The following TENM3 variants were observed in gnomAD, a reference collection of about 807,000 sequenced individuals.
TENM3 encodes teneurin transmembrane protein 3, also known as teneurin-3.
TENM3 carries 63 observed loss-of-function variants against 255.1 expected under a neutral mutation model. That is an observed-to-expected ratio of 0.25 (90% CI 0.20 to 0.30). The LOEUF is 0.30. TENM3 is among the 10% of genes least tolerant of loss of function. TENM3 has a pLI of 1.00. For missense variants in TENM3, 2,929 were observed against 3,461.1 expected (o/e 0.85, Z 3.86); for synonymous variants, 1,306 against 1,322.3 (o/e 0.99, Z 0.27).
At chr4:181,610,909 A>G in the TENM3 span, among the ~76,000 whole-genome samples, 2,918 of 152,288 alleles carry the variant, frequency 0.019, 37 homozygotes, top group East Asian at 0.037. Flanking sequence ...CAGATTGTTT[A>G]GTTTTTCTAC....
the TENM3 span, among the ~76,000 whole-genome samples, chr4:181,879,387 A>C: frequency 2.0e-5 from 3 of 152,220 alleles, no homozygotes; most frequent in South Asian, 6.2e-4. Context: ...CACATTTAAA[A>C]TGTTTTCAAT....
At chr4:182,449,834 T>C (rs545105582) in intron 3 of TENM3, among the ~76,000 whole-genome samples, 6 of 152,316 alleles carry the variant, frequency 3.9e-5, no homozygotes, top group African/African-American at 1.4e-4. Flanking sequence ...TGTGCAAAGA[T>C]AGTTGGAGAT....
chr4:182,291,004 A>C (rs1214091373), intron 1 of TENM3, among the ~76,000 whole-genome samples: 1 of 151,966 alleles, frequency 6.6e-6, no homozygotes, highest in Non-Finnish European at 1.5e-5. Flanking sequence ...TATTTTTAGT[A>C]GAGATGGGGT....
intron 5 of TENM3, among the ~76,000 whole-genome samples, chr4:182,649,736 G>GTGC (rs991768833): frequency 6.7e-6 from 1 of 150,146 alleles, no homozygotes; most frequent in Non-Finnish European, 1.5e-5. Flanking sequence ...GCGTAGAATG[G>GTGC]TGCCCAGGAC....
intron 1 of TENM3, among the ~76,000 whole-genome samples, chr4:182,171,801 AC>A (rs1752126426): frequency 6.6e-6 from 1 of 152,208 alleles, no homozygotes; most frequent in Non-Finnish European, 1.5e-5. Context: ...AGTTGATATC[AC>A]AAGACTATTA....
the TENM3 span, among the ~76,000 whole-genome samples, chr4:181,481,429 A>G: frequency 6.6e-6 from 1 of 152,142 alleles, no homozygotes; most frequent in East Asian, 1.9e-4. Context: ...TATTTAAGTA[A>G]TTCGTAATTT....
intron 24 of TENM3, among the ~76,000 whole-genome samples, chr4:182,783,315 A>T (rs1478368667): frequency 6.6e-6 from 1 of 151,144 alleles, no homozygotes; most frequent in East Asian, 1.9e-4. Context: ...TCGCTTATGA[A>T]GCTTAGTTTG....
At chr4:182,094,707 G>A in the TENM3 span, among the ~76,000 whole-genome samples, 2 of 152,018 alleles carry the variant, frequency 1.3e-5, no homozygotes, top group African/African-American at 2.4e-5. Flanking sequence ...ATGTGTCCTC[G>A]AAAAAGAACA....
In TENM3 at chr4:182,754,074, T is replaced by C. The variant is rs33914616; in HGVS notation, c.4018-311T>C. ...AGAAAGCCCCAACATTTGGTGGTTA[T>C]TGCTGCCATAAGGAACATGTGTGTT... On this transcript the variant is annotated intron_variant, in intron 21 of 27. Coordinates refer to ENST00000511685, the MANE Select transcript of TENM3 (RefSeq NM_001080477.4). This position sits in a 1 kb window ranked among gnomAD's most constrained non-coding sequence, Gnocchi z 5.1. Among the ~76,000 whole-genome samples, 26,342 of 152,202 alleles carry C rather than the reference T, an allele frequency of 0.17. 3,014 individuals carry two copies. Among genetic ancestry groups the C allele is most frequent in the East Asian group, 0.57 (2,971 of 5,168 alleles).
At chr4:181,696,067 G>A in the TENM3 span, among the ~76,000 whole-genome samples, 15 of 152,048 alleles carry the variant, frequency 9.9e-5, no homozygotes, top group Admixed American at 2.6e-4. Flanking sequence ...CCGGACACGC[G>A]TTTGTATTTT....
the TENM3 span, among the ~76,000 whole-genome samples, chr4:181,606,932 G>A: frequency 1.6e-4 from 24 of 152,218 alleles, no homozygotes; most frequent in East Asian, 3.7e-3. Flanking sequence ...CACTTACACC[G>A]CTTGGCTGAG....
chr4:182,076,213 C>CTTT, the TENM3 span, among the ~76,000 whole-genome samples: 3 of 126,396 alleles, frequency 2.4e-5, no homozygotes, highest in Admixed American at 8.1e-5. Flanking sequence ...TCTTCTTCTT[C>CTTT]TTTTTTTTTT....
At position 182,343,142 on chromosome 4, in the gene TENM3, A is replaced by C. The variant is rs72699903; in HGVS notation, c.233-3509A>C. On this transcript the variant is annotated intron_variant, in intron 2 of 27. Coordinates refer to ENST00000511685, the MANE Select transcript of TENM3 (RefSeq NM_001080477.4). ...TGTTTATTCAGTTTTCCTTTTCTAG[A>C]TTTTCACATTTATGAGTGTCATAAA... Among the ~76,000 whole-genome samples, 1,263 of 152,218 alleles carry C rather than the reference A, an allele frequency of 8.3e-3. 9 individuals carry two copies. Among genetic ancestry groups the C allele is most frequent in the Non-Finnish European group, 0.013 (883 of 68,014 alleles).
At chr4:182,160,177 T>C (rs1751037926) in intron 1 of TENM3, among the ~76,000 whole-genome samples, 2 of 151,004 alleles carry the variant, frequency 1.3e-5, no homozygotes, top group African/African-American at 4.8e-5. Flanking sequence ...TAATTTTATG[T>C]ATTTTTAGTA....
chr4:182,721,062 C>G (rs185898213), intron 13 of TENM3, among the ~76,000 whole-genome samples: 22 of 151,734 alleles, frequency 1.4e-4, no homozygotes, highest in African/African-American at 4.3e-4. Context: ...GCCACCACGC[C>G]CGGCCTAAAA....
chr4:182,316,725 C>T (rs919261856), intron 1 of TENM3, among the ~76,000 whole-genome samples: 1 of 152,216 alleles, frequency 6.6e-6, no homozygotes. Context: ...GATCAGTACT[C>T]TGTGGAACAC....
intron 3 of TENM3, among the ~76,000 whole-genome samples, chr4:182,352,967 A>T (rs796850444): frequency 3.1e-4 from 47 of 152,154 alleles, no homozygotes; most frequent in African/African-American, 1.1e-3. Context: ...GTGAGGAAAT[A>T]GACGGACTTG....
In TENM3 at chr4:182,789,722, C is replaced by T. The variant is rs1313647371; in HGVS notation, c.5601+333C>T. On this transcript the variant is annotated intron_variant, in intron 25 of 27. Transcript: ENST00000511685. The surrounding 1 kb of genome is among the most constrained non-coding windows in gnomAD (Gnocchi z 4.4). Reference sequence around the variant, plus strand: ...GTGTAAGTCGCTTGTAAATAATTTTCGTGCTAGCTCTTCCATTTAAGAGAG... The same window carrying T: ...GTGTAAGTCGCTTGTAAATAATTTTTGTGCTAGCTCTTCCATTTAAGAGAG... 6.6e-6 allele frequency among the ~76,000 whole-genome samples: 1 copy of T among 152,242 alleles called. No homozygotes were observed. Among genetic ancestry groups the T allele is most frequent in the Non-Finnish European group, 1.5e-5 (1 of 68,038 alleles).
At chr4:182,079,379 A>G in the TENM3 span, among the ~76,000 whole-genome samples, 2 of 151,996 alleles carry the variant, frequency 1.3e-5, no homozygotes, top group East Asian at 3.9e-4. Context: ...AGCCGGGCGC[A>G]GTGGCGGGTG....
Sources: allele counts gnomAD v4.1 joint callset (sites outside exome capture counted in the v4.1 genomes callset), GRCh38; gene constraint gnomAD v4.1.1; non-coding constraint Gnocchi (gnomAD v3.1); transcripts MANE v1.5; gene names NCBI Gene and HGNC (gene_info 2026-07-23, HGNC 2026-07-21).